Variants in IPO7 observed in about 807,000 individuals in gnomAD.
IPO7 encodes importin-7.
A neutral mutation model predicts 136.4 loss-of-function variants in IPO7; 13 were observed. That is an observed-to-expected ratio of 0.10 (90% CI 0.06 to 0.15). IPO7 has a LOEUF of 0.15. Ranked by LOEUF, IPO7 falls within the 10% of genes least tolerant of loss-of-function variation. The pLI is 1.00. For missense variants in IPO7, 857 were observed against 1,240.6 expected (o/e 0.69, Z 4.65); for synonymous variants, 403 against 404.4 (o/e 1.00, Z 0.04).
At chr11:9,418,437 T>G (rs1213679414) in intron 6 of IPO7, among the ~76,000 whole-genome samples, 3 of 152,132 alleles carry the variant, frequency 2.0e-5, no homozygotes, top group African/African-American at 7.2e-5. Context: ...CCTTCTGACT[T>G]TTATTTTAAA....
chr11:9,391,295 A>T (rs1854629999), intron 1 of IPO7, among the ~76,000 whole-genome samples: 2 of 152,068 alleles, frequency 1.3e-5, no homozygotes, highest in Non-Finnish European at 2.9e-5. Context: ...GCTACTTGGG[A>T]GACTGAGGCA....
chr11:9,390,072 G>C lies in IPO7; in HGVS notation c.84+5225G>C, dbSNP rs574574207. On this transcript the variant is annotated intron_variant, in intron 1 of 24. Transcript: ENST00000379719. ...CGCCTGGCCTAATTTTATATTTTTA[G>C]TAGAGACGGGGTTTCGCCATGTTGG... Among the ~76,000 whole-genome samples the C allele has an allele frequency of 2.0e-5, 3 of 152,194 alleles. No homozygotes were observed. The East Asian group carries it at 5.8e-4, about 29-fold the overall frequency.
At position 9,440,547 on chromosome 11, in the gene IPO7, G is replaced by A; in HGVS notation, c.2788G>A (p.Glu930Lys). The change falls in exon 23 of 25, where the codon GAA becomes AAA. Residue 930 changes from glutamate to lysine, a missense_variant. This residue lies in a region of IPO7 where 119 missense variants were observed against 155.5 expected (regional missense o/e 0.77). Coordinates refer to ENST00000379719, the MANE Select transcript of IPO7 (RefSeq NM_006391.3). ...GCAGGCTGGTGAAGATGGAGATGAT[G>A]AAGATTGGGAAGAAGATGATGCTGA... ...AKQAGEDGDD[E>K]DWEEDDAEET... 1 of 1,614,032 alleles carries A rather than the reference G, an allele frequency of 6.2e-7. No individual in the cohort carries two copies. The highest frequency in any genetic ancestry group is 1.1e-5 in the South Asian group (1 of 91,086).
intron 1 of IPO7, 61 bp downstream of exon 1, chr11:9,384,908 GC>G: frequency 3.7e-6 from 5 of 1,342,830 alleles, no homozygotes; most frequent in South Asian, 1.3e-5. Context: ...GGCAGGCCGA[GC>G]CCCCGGGGCC....
chr11:9,389,372 A>G (rs939797204), intron 1 of IPO7, among the ~76,000 whole-genome samples: 15 of 152,178 alleles, frequency 9.9e-5, no homozygotes, highest in African/African-American at 2.9e-4. Flanking sequence ...TAATGCCAGG[A>G]AGATTTTTAT....
chr11:9,390,920 C>T (rs1000379867), intron 1 of IPO7, among the ~76,000 whole-genome samples: 6 of 152,108 alleles, frequency 3.9e-5, no homozygotes, highest in African/African-American at 1.2e-4. Flanking sequence ...CAGGCGCCCG[C>T]CACCACTCCT....
At chr11:9,428,767 A>G (rs1184969926) in intron 13 of IPO7, 138 bp downstream of exon 13, 5 of 788,696 alleles carry the variant, frequency 6.3e-6, no homozygotes, top group Non-Finnish European at 1.2e-5. Flanking sequence ...AAATCTTTAC[A>G]TGGCTGCTGT....
intron 16 of IPO7, among the ~76,000 whole-genome samples, chr11:9,431,968 CTG>C (rs1357362842): frequency 2.6e-5 from 4 of 152,196 alleles, no homozygotes; most frequent in Non-Finnish European, 5.9e-5. Context: ...GAGTGAGACA[CTG>C]TGTCAGAAAA....
rs746116534 is a variant in IPO7, at chr11:9,429,510, A to AAT, written c.1592-149_1592-148dup. Among the ~76,000 whole-genome samples the AAT allele has an allele frequency of 1.0e-3, 157 of 149,958 alleles. 1 individual carries two copies. The highest frequency in any genetic ancestry group is 2.7e-3 in the East Asian group (14 of 5,138). ...CAGATCAAAACCCTGCCTCTTATAA[A>AAT]ATATATATATATATATTAATTGTAA... On this transcript the variant is annotated intron_variant, in intron 14 of 24. Transcript: ENST00000379719.
chr11:9,435,025 C>T lies in IPO7; in HGVS notation c.2166C>T (p.Cys722=), dbSNP rs1363430511. ...TKYLEMIYSM[C]KKVLTGVAGE... is the part of the protein sequence containing the mutation. ...ATCTTGAAATGATATACAGTATGTGCAAAAAGGTAGGTCATTTTTATATAT... is the reference window on the plus strand; with the variant it reads ...ATCTTGAAATGATATACAGTATGTGTAAAAAGGTAGGTCATTTTTATATAT... The change falls in exon 19 of 25, where the codon TGC becomes TGT. Residue 722 remains cysteine (C), a synonymous_variant. Coordinates refer to ENST00000379719, the MANE Select transcript of IPO7 (RefSeq NM_006391.3). 1 of 1,580,626 alleles carries T rather than the reference C, an allele frequency of 6.3e-7. No homozygotes were observed. The highest frequency in any genetic ancestry group is 1.3e-5 in the African/African-American group (1 of 74,102).
intron 12 of IPO7, among the ~76,000 whole-genome samples, chr11:9,426,080 C>G (rs1279531741): frequency 3.3e-5 from 5 of 151,988 alleles, no homozygotes; most frequent in African/African-American, 1.2e-4. Flanking sequence ...AAATAACAAC[C>G]TTATGGAGTG....
intron 2 of IPO7, among the ~76,000 whole-genome samples, chr11:9,406,200 C>A (rs1042098024): frequency 7.5e-6 from 1 of 133,390 alleles, no homozygotes; most frequent in Non-Finnish European, 1.5e-5. Flanking sequence ...GCTTTACAGG[C>A]GTTAGCCACT....
At chr11:9,386,493 G>T (rs1387281977) in intron 1 of IPO7, among the ~76,000 whole-genome samples, 1 of 152,134 alleles carries the variant, frequency 6.6e-6, no homozygotes, top group African/African-American at 2.4e-5. Flanking sequence ...TAAAAGTTTA[G>T]TCATGGTCAT....
At chr11:9,434,584 C>T (rs1407905530) in intron 18 of IPO7, among the ~76,000 whole-genome samples, 1 of 152,166 alleles carries the variant, frequency 6.6e-6, no homozygotes, top group East Asian at 1.9e-4. Flanking sequence ...GCACTTCAGT[C>T]CGGGAGTTCT....
intron 24 of IPO7, among the ~76,000 whole-genome samples, chr11:9,443,363 C>T (rs971760657): frequency 3.3e-5 from 5 of 151,876 alleles, no homozygotes; most frequent in African/African-American, 1.2e-4. Context: ...GAGGCTGAGG[C>T]GGGTGGATCA....
At chr11:9,421,764 G>GA (rs764734131) in intron 8 of IPO7, among the ~76,000 whole-genome samples, 12 of 151,428 alleles carry the variant, frequency 7.9e-5, no homozygotes, top group East Asian at 1.9e-4. Context: ...CTAACACAGT[G>GA]AAACCCCATT....
chr11:9,393,634 C>T (rs527344959), intron 1 of IPO7, among the ~76,000 whole-genome samples: 18 of 152,284 alleles, frequency 1.2e-4, no homozygotes, highest in Admixed American at 3.9e-4. Flanking sequence ...CCACCCTCCT[C>T]GGCCTCCCAA....
At chr11:9,394,093 G>C (rs370789266) in intron 1 of IPO7, among the ~76,000 whole-genome samples, 1 of 151,628 alleles carries the variant, frequency 6.6e-6, no homozygotes, top group Non-Finnish European at 1.5e-5. Context: ...TGGCCAGGAT[G>C]GTCTCCATCT....
In IPO7 at chr11:9,384,753, T is replaced by A; in HGVS notation, c.-11T>A. The A allele has an allele frequency of 1.3e-6, 2 of 1,591,436 alleles. No individual in the cohort carries two copies. Among genetic ancestry groups the A allele is most frequent in the Non-Finnish European group, 8.6e-7 (1 of 1,168,840 alleles). On this transcript the variant is annotated 5_prime_UTR_variant, in exon 1 of 25. Transcript: ENST00000379719. The stretch of plus-strand genomic sequence containing the variant: ...CACCCGAGCCCCGGGTTTGACCGAG[T>A]CCGCGCTGCGATGGACCCCAACACC...
Sources: gnomAD v4.1 joint callset for allele counts (sites outside exome capture counted in the v4.1 genomes callset) on GRCh38, gnomAD v4.1.1 for gene constraint, gnomAD v4.1.1 regional missense constraint, MANE v1.5 for transcripts, NCBI Gene and HGNC (gene_info 2026-07-23, HGNC 2026-07-21) for gene names.